Variants in LRRTM4 observed in about 807,000 individuals in gnomAD.
LRRTM4 encodes the protein leucine-rich repeat transmembrane neuronal protein 4.
LRRTM4 carries 25 observed loss-of-function variants against 47.6 expected under a neutral mutation model. The ratio of observed to expected loss-of-function variants is 0.53; its 90% CI spans 0.38 to 0.73. The LOEUF is 0.73. Ranked by LOEUF, LRRTM4 falls within the 30% of genes least tolerant of loss-of-function variation. The pLI is 0.00. For synonymous variants in LRRTM4, 311 were observed against 269.5 expected (o/e 1.15, Z -1.51); for missense variants, 638 against 713.4 (o/e 0.89, Z 1.20).
rs33978835 is a variant in LRRTM4, at chr2:77,385,741, C to CTTT, written c.1551+132574_1551+132576dup. On this transcript the variant is annotated intron_variant, in intron 3 of 3. Transcript: ENST00000409884. ...TAATATATTTATGTAGTACATGGTA[C>CTTT]TTTTTTTTTTTTTTTTTTTTTTTTG... Among the ~76,000 whole-genome samples, 226 of 82,294 alleles carry CTTT rather than the reference C, an allele frequency of 2.7e-3. 1 individual carries two copies. The highest frequency in any genetic ancestry group is 5.9e-3 in the African/African-American group (115 of 19,540). 54.0% of individuals were successfully genotyped at this position (82,294 alleles called of 152,430 possible).
chr2:77,222,101 T>A (rs535331521), intron 3 of LRRTM4, among the ~76,000 whole-genome samples: 15 of 152,146 alleles, frequency 9.9e-5, no homozygotes, highest in Admixed American at 3.9e-4. Context: ...TGCTCCTGAA[T>A]GACTACTGGG....
At chr2:76,792,660 G>A (rs972967631) in intron 3 of LRRTM4, among the ~76,000 whole-genome samples, 1 of 152,010 alleles carries the variant, frequency 6.6e-6, no homozygotes, top group Admixed American at 6.6e-5. Context: ...TCAATTCTCT[G>A]TTGAATACTA....
At chr2:76,915,479 A>G (rs1558735900) in intron 3 of LRRTM4, among the ~76,000 whole-genome samples, 2 of 152,194 alleles carry the variant, frequency 1.3e-5, no homozygotes, top group African/African-American at 4.8e-5. Flanking sequence ...GTTTGCCACC[A>G]AAGCTAAGGT....
At chr2:77,324,626 A>G (rs1325386133) in intron 3 of LRRTM4, among the ~76,000 whole-genome samples, 1 of 152,130 alleles carries the variant, frequency 6.6e-6, no homozygotes, top group Admixed American at 6.6e-5. Flanking sequence ...GTTATAATAG[A>G]GTGAGGTATG....
intron 3 of LRRTM4, among the ~76,000 whole-genome samples, chr2:76,999,621 C>A (rs17334184): frequency 0.095 from 14,499 of 152,164 alleles, 910 homozygotes; most frequent in Non-Finnish European, 0.14. Context: ...TCCAGCTTTT[C>A]TACCTTTCAG....
chr2:77,522,053 G>A (rs1009426994), intron 1 of LRRTM4, 56 bp downstream of exon 1: 9 of 713,606 alleles, frequency 1.3e-5, no homozygotes, highest in East Asian at 8.1e-5. Context: ...AGCCCATCTC[G>A]GAGGTAACCA....
At chr2:77,087,849 A>G (rs1168898984) in intron 3 of LRRTM4, among the ~76,000 whole-genome samples, 1 of 152,220 alleles carries the variant, frequency 6.6e-6, no homozygotes, top group East Asian at 1.9e-4. Context: ...AAATAACTAA[A>G]GAGATAATAA....
intron 3 of LRRTM4, among the ~76,000 whole-genome samples, chr2:77,296,182 A>G (rs902166778): frequency 6.6e-6 from 1 of 152,218 alleles, no homozygotes; most frequent in Admixed American, 6.5e-5. Context: ...TGTAGATACG[A>G]TAGAAATATT....
chr2:77,322,334 T>C (rs1677820501), intron 3 of LRRTM4, among the ~76,000 whole-genome samples: 1 of 152,160 alleles, frequency 6.6e-6, no homozygotes, highest in African/African-American at 2.4e-5. Context: ...TATATCTCTT[T>C]AAGTAACATA....
At chr2:76,843,331 AGATT>A (rs1206841972) in intron 3 of LRRTM4, among the ~76,000 whole-genome samples, 3 of 152,204 alleles carry the variant, frequency 2.0e-5, no homozygotes, top group African/African-American at 7.2e-5. Context: ...AAAATATTTA[AGATT>A]GACTTCTAAA....
At chr2:76,770,244 T>G (rs1673637953) in intron 3 of LRRTM4, among the ~76,000 whole-genome samples, 1 of 152,220 alleles carries the variant, frequency 6.6e-6, no homozygotes, top group African/African-American at 2.4e-5. Flanking sequence ...TTGCTATATT[T>G]TCTGCAATGT....
At chr2:77,314,967 G>T (rs1308283730) in intron 3 of LRRTM4, among the ~76,000 whole-genome samples, 1 of 152,138 alleles carries the variant, frequency 6.6e-6, no homozygotes, top group Non-Finnish European at 1.5e-5. Flanking sequence ...CCCAGCTGTA[G>T]GCTGATGGAA....
At chr2:77,405,590 T>C (rs1674152721) in intron 3 of LRRTM4, among the ~76,000 whole-genome samples, 1 of 152,138 alleles carries the variant, frequency 6.6e-6, no homozygotes, top group Non-Finnish European at 1.5e-5. Flanking sequence ...TTGTGTTTGA[T>C]ATTTGGTTCA....
intron 3 of LRRTM4, among the ~76,000 whole-genome samples, chr2:76,822,509 A>G (rs1429601955): frequency 2.6e-5 from 4 of 151,456 alleles, no homozygotes; most frequent in African/African-American, 9.7e-5. Context: ...AACAAGATGA[A>G]CTTTATTTAG....
chr2:77,206,255 T>C lies in LRRTM4; in HGVS notation c.1551+312063A>G, dbSNP rs955633518. On this transcript the variant is annotated intron_variant, in intron 3 of 3. Transcript: ENST00000409884. ...ATGAGGTGGTGCAATCTTTGCTCCC[T>C]GTAACCTCTGCGTCCTGGGTTCAAG... 2.0e-5 allele frequency among the ~76,000 whole-genome samples: 3 copies of C among 151,730 alleles called. 1 individual carries two copies. The South Asian group carries it at 6.3e-4, about 32-fold the overall frequency.
intron 1 of LRRTM4, 144 bp from the exon 2 acceptor site, chr2:77,521,962 G>A (rs1012189962): frequency 3.5e-4 from 212 of 611,618 alleles, no homozygotes; most frequent in Non-Finnish European, 5.4e-4. Context: ...GGATGGGGGA[G>A]GGCCTCTAGG....
intron 3 of LRRTM4, among the ~76,000 whole-genome samples, chr2:77,031,772 A>G (rs1393520730): frequency 1.3e-5 from 2 of 152,112 alleles, no homozygotes; most frequent in Non-Finnish European, 2.9e-5. Flanking sequence ...AGCGCGCACA[A>G]TATGTGCATG....
intron 3 of LRRTM4, among the ~76,000 whole-genome samples, chr2:77,356,143 G>A (rs1671958820): frequency 6.6e-6 from 1 of 151,966 alleles, no homozygotes; most frequent in African/African-American, 2.4e-5. Flanking sequence ...AGGATAAAGT[G>A]GTTTTTTTAA....
chr2:77,232,963 T>C (rs987287578), intron 3 of LRRTM4, among the ~76,000 whole-genome samples: 1 of 152,134 alleles, frequency 6.6e-6, no homozygotes, highest in African/African-American at 2.4e-5. Context: ...GGCAAAACTA[T>C]AACAAAAAAA....
Sources: allele counts gnomAD v4.1 joint callset (sites outside exome capture counted in the v4.1 genomes callset), GRCh38; gene constraint gnomAD v4.1.1; transcripts MANE v1.5; gene names NCBI Gene and HGNC (gene_info 2026-07-23, HGNC 2026-07-21).